NAALADL2: variants seen among roughly 807,000 people sequenced by gnomAD.
NAALADL2 encodes the protein inactive N-acetylated-alpha-linked acidic dipeptidase-like protein 2.
A neutral mutation model predicts 87.2 loss-of-function variants in NAALADL2; 76 were observed. That is an observed-to-expected ratio of 0.87 (90% CI 0.72 to 1.05). NAALADL2 has a LOEUF of 1.05. Among genes scored for constraint, NAALADL2 ranks in the 50% least tolerant of loss-of-function variants. The pLI is 0.00. For missense variants in NAALADL2, 1,089 were observed against 945.8 expected, an observed-to-expected ratio of 1.15 and a Z score of -1.99; for synonymous variants, 354 against 331.0, an observed-to-expected ratio of 1.07 and a Z score of -0.75.
In NAALADL2 at chr3:174,514,580, T is replaced by C. The variant is rs138365774; in HGVS notation, c.-183-35989T>C. On this transcript the variant is annotated intron_variant, in intron 1 of 3. Coordinates refer to the NAALADL2 transcript ENST00000434257. The stretch of plus-strand genomic sequence containing the variant: ...TTAAGTAGTCTTTTCTATAGGGAAA[T>C]GAAAATATTTGTATACATGAATAGA... Among the ~76,000 whole-genome samples, 23 of 152,318 alleles carry C rather than the reference T, an allele frequency of 1.5e-4. No homozygotes were observed. In the East Asian group the frequency reaches 2.7e-3, roughly 18 times the overall value.
chr3:175,336,336 G>A (rs1490449284), intron 5 of NAALADL2, among the ~76,000 whole-genome samples: 1 of 152,106 alleles, frequency 6.6e-6, no homozygotes, highest in Non-Finnish European at 1.5e-5. Flanking sequence ...TCTCCCAAAT[G>A]TATCTAACCA....
intron 11 of NAALADL2, among the ~76,000 whole-genome samples, chr3:175,660,872 G>A (rs1732153795): frequency 6.6e-6 from 1 of 151,998 alleles, no homozygotes; most frequent in Non-Finnish European, 1.5e-5. Flanking sequence ...ATTTCACTGT[G>A]TATATATGCC....
At chr3:174,855,875 T>C (rs1314185732), upstream of NAALADL2, among the ~76,000 whole-genome samples, 1 of 141,962 alleles carries the variant, frequency 7.0e-6, no homozygotes, top group African/African-American at 2.9e-5. Context: ...TATGTATATA[T>C]ACATACATAT....
intron 2 of NAALADL2, among the ~76,000 whole-genome samples, chr3:175,210,944 T>A (rs972016544): frequency 2.0e-5 from 3 of 151,916 alleles, no homozygotes; most frequent in African/African-American, 4.8e-5. Context: ...ATACTTACTA[T>A]ATTTGACTGG....
At chr3:175,114,049 C>A (rs545116972) in intron 2 of NAALADL2, among the ~76,000 whole-genome samples, 17 of 151,640 alleles carry the variant, frequency 1.1e-4, no homozygotes, top group African/African-American at 3.6e-4. Flanking sequence ...TATTTAATAT[C>A]GGCTTCATGC....
At position 175,685,886 on chromosome 3, in the gene NAALADL2, C is replaced by T. The variant is rs1736221481; in HGVS notation, c.1897-51420C>T. ...CACCTACATTAGGAAAGGCAATCTGCTTTATTTAGAACACGTTTTAAAATT... is the reference window on the plus strand; with the variant it reads ...CACCTACATTAGGAAAGGCAATCTGTTTTATTTAGAACACGTTTTAAAATT... On this transcript the variant is annotated intron_variant, in intron 11 of 13. Coordinates refer to ENST00000454872, the MANE Select transcript of NAALADL2 (RefSeq NM_207015.3). Among the ~76,000 whole-genome samples the T allele has an allele frequency of 2.0e-5, 3 of 152,198 alleles. No individual in the cohort carries two copies. The South Asian group carries it at 6.2e-4, about 31-fold the overall frequency.
chr3:174,674,010 T>C (rs1167618423), intron 2 of NAALADL2, among the ~76,000 whole-genome samples: 2 of 151,926 alleles, frequency 1.3e-5, no homozygotes, highest in Non-Finnish European at 2.9e-5. Flanking sequence ...ATTTGGACAG[T>C]TTAGGAAGAG....
At chr3:175,570,656 G>C (rs925779508) in intron 9 of NAALADL2, among the ~76,000 whole-genome samples, 2 of 152,128 alleles carry the variant, frequency 1.3e-5, no homozygotes, top group East Asian at 1.9e-4. Flanking sequence ...CGAGGCGGGC[G>C]GATCACGAGG....
chr3:175,186,580 T>C (rs2109024573), intron 2 of NAALADL2, among the ~76,000 whole-genome samples: 1 of 152,292 alleles, frequency 6.6e-6, no homozygotes, highest in East Asian at 1.9e-4. Context: ...GATTTACACC[T>C]AAAGAGGTAA....
intron 1 of NAALADL2, among the ~76,000 whole-genome samples, chr3:174,861,253 A>C (rs2109536739): frequency 6.6e-6 from 1 of 152,144 alleles, no homozygotes; most frequent in Non-Finnish European, 1.5e-5. Context: ...TTGCATCAAG[A>C]TTCTTAAGAG....
intron 2 of NAALADL2, among the ~76,000 whole-genome samples, chr3:174,710,588 T>A (rs867432486): frequency 2.6e-5 from 4 of 152,082 alleles, no homozygotes; most frequent in Non-Finnish European, 5.9e-5. Context: ...TTTCTCTGCC[T>A]AGTTGCAGAC....
chr3:175,541,444 A>G (rs1482497505), intron 9 of NAALADL2, among the ~76,000 whole-genome samples: 2 of 152,212 alleles, frequency 1.3e-5, no homozygotes, highest in Admixed American at 6.5e-5. Flanking sequence ...AAAGCATCTA[A>G]CACAAAGCCG....
At chr3:175,563,092 T>C (rs1716540093) in intron 9 of NAALADL2, among the ~76,000 whole-genome samples, 1 of 152,096 alleles carries the variant, frequency 6.6e-6, no homozygotes, top group African/African-American at 2.4e-5. Context: ...TTTAATTTAT[T>C]CTCTTTAGTC....
At chr3:174,961,997 T>C (rs1742074732) in intron 1 of NAALADL2, among the ~76,000 whole-genome samples, 1 of 151,842 alleles carries the variant, frequency 6.6e-6, no homozygotes, top group South Asian at 2.1e-4. Flanking sequence ...ACTTCTGATA[T>C]TAGGTTACAA....
At chr3:175,267,554 T>C (rs1175722916) in intron 4 of NAALADL2, among the ~76,000 whole-genome samples, 1 of 152,154 alleles carries the variant, frequency 6.6e-6, no homozygotes, top group Non-Finnish European at 1.5e-5. Context: ...AGTTTTTCTT[T>C]TTAAAAAGAC....
intron 11 of NAALADL2, among the ~76,000 whole-genome samples, chr3:175,651,235 G>C (rs1030579373): frequency 1.3e-5 from 2 of 152,046 alleles, no homozygotes; most frequent in African/African-American, 4.8e-5. Context: ...ACAAATTATA[G>C]TGACATAATG....
chr3:174,841,013 G>T (rs1723966029), intron 3 of NAALADL2, among the ~76,000 whole-genome samples: 1 of 150,330 alleles, frequency 6.7e-6, no homozygotes, highest in Non-Finnish European at 1.5e-5. Context: ...TTTTAGGAAA[G>T]CATGTTATGC....
At chr3:175,498,845 TA>T (rs896564758) in intron 9 of NAALADL2, among the ~76,000 whole-genome samples, 4 of 152,058 alleles carry the variant, frequency 2.6e-5, no homozygotes, top group African/African-American at 9.7e-5. Flanking sequence ...AAGAAGTAAT[TA>T]AGTTAAAAGA....
At chr3:174,598,629 T>G (rs191115793) in intron 2 of NAALADL2, among the ~76,000 whole-genome samples, 2 of 152,240 alleles carry the variant, frequency 1.3e-5, no homozygotes, top group Non-Finnish European at 2.9e-5. Flanking sequence ...AATTTATAAT[T>G]AGTTCATGAT....
Sources: gnomAD v4.1 joint callset for allele counts (sites outside exome capture counted in the v4.1 genomes callset) on GRCh38, gnomAD v4.1.1 for gene constraint, MANE v1.5 for transcripts, NCBI Gene and HGNC (gene_info 2026-07-23, HGNC 2026-07-21) for gene names.